The following CAPN3 variants were observed in gnomAD, a reference collection of about 807,000 sequenced individuals.
CAPN3 encodes the protein calpain-3.
In CAPN3, 88 loss-of-function variants were observed where a neutral mutation model predicts 114.0. That is an observed-to-expected ratio of 0.77 (90% confidence interval 0.65 to 0.92). The LOEUF is 0.92. Ranked by LOEUF, CAPN3 falls within the 40% of genes least tolerant of loss-of-function variation. The probability of loss-of-function intolerance (pLI) is 0.00; values close to 1 mark genes in which losing one functional copy is unlikely to be tolerated. For missense variants in CAPN3, 1,028 were observed against 1,069.0 expected (o/e 0.96, Z 0.53); for synonymous variants, 386 against 382.9 (o/e 1.01, Z -0.09).
intron 1 of CAPN3, among the ~76,000 whole-genome samples, chr15:42,361,085 A>T (rs1243637723): frequency 6.6e-6 from 1 of 152,130 alleles, no homozygotes; most frequent in Non-Finnish European, 1.5e-5. Flanking sequence ...TGGCAAGGAG[A>T]GCTAACCTGG....
At chr15:42,390,210 G>A in intron 6 of CAPN3, 114 bp downstream of exon 6, 2 of 1,189,812 alleles carry the variant, frequency 1.7e-6, no homozygotes, top group African/African-American at 1.5e-5. Flanking sequence ...CCCCCACCTG[G>A]CACCTCCCAA....
chr15:42,410,745 G>A, intron 21 of CAPN3, 79 bp downstream of exon 21: 1 of 1,368,088 alleles, frequency 7.3e-7, no homozygotes, highest in Admixed American at 1.7e-5. Flanking sequence ...GGCTACTAGG[G>A]CCCCACTAGA....
rs539315630 is a variant in CAPN3, at chr15:42,387,814, A to G, written c.560A>G (p.Asn187Ser). The change falls in exon 4 of 24, where the codon AAT becomes AGT. Residue 187 changes from asparagine (N) to serine (S), a missense_variant. Transcript: ENST00000397163. Reference protein sequence around the residue: ...VIDDCLPTYNNQLVFTKSNHR... With the variant: ...VIDDCLPTYNSQLVFTKSNHR... ...GATGACTGCCTGCCAACGTACAACA[A>G]TCAACTGGTTTTCACCAAGTCCAAC... 4 of 1,614,188 alleles carry G rather than the reference A, an allele frequency of 2.5e-6. No homozygotes were observed. The highest frequency in any genetic ancestry group is 3.3e-5 in the Admixed American group (2 of 60,020).
chr15:42,411,114 C>T, intron 22 of CAPN3, 114 bp downstream of exon 22: 1 of 1,034,550 alleles, frequency 9.7e-7, no homozygotes, highest in Non-Finnish European at 1.5e-6. Flanking sequence ...GGGCCAATGA[C>T]CTCTTTAGGC....
At chr15:42,391,356 G>T (rs140417293) in intron 6 of CAPN3, among the ~76,000 whole-genome samples, 2 of 152,226 alleles carry the variant, frequency 1.3e-5, no homozygotes, top group Non-Finnish European at 2.9e-5. Context: ...TGGGTTGAAT[G>T]ATATGCTTAG....
intron 1 of CAPN3, among the ~76,000 whole-genome samples, chr15:42,381,527 A>T (rs943696938): frequency 2.6e-5 from 4 of 152,118 alleles, no homozygotes; most frequent in Admixed American, 2.6e-4. Context: ...CCCTTTAATC[A>T]TCAGGTACTT....
chr15:42,384,365 T>C (rs1028621640), intron 1 of CAPN3, 118 bp from the exon 2 acceptor site: 2 of 766,238 alleles, frequency 2.6e-6, no homozygotes, highest in African/African-American at 3.4e-5. Flanking sequence ...TGAGCCAAGA[T>C]TGCACCAGTG....
At chr15:42,375,865 T>C (rs770561578) in intron 1 of CAPN3, among the ~76,000 whole-genome samples, 10 of 152,210 alleles carry the variant, frequency 6.6e-5, no homozygotes, top group African/African-American at 2.4e-4. Flanking sequence ...GATGTCCTTT[T>C]TCTGTTCCAA....
chr15:42,359,650 G>A lies in CAPN3; in HGVS notation c.-156G>A, dbSNP rs1170885818. On this transcript the variant is annotated 5_prime_UTR_variant, in exon 1 of 24. Coordinates refer to ENST00000397163, the MANE Select transcript of CAPN3 (RefSeq NM_000070.3). The stretch of plus-strand genomic sequence containing the variant: ...TTTTTAAGATGGACATAACCTGTAC[G>A]ACCTTCTGATGGGCTTTCAACTTTG... 6.0e-6 allele frequency: 9 copies of A among 1,491,890 alleles called. No homozygotes were observed. In the East Asian group the frequency reaches 9.5e-5, roughly 16 times the overall value. 92.4% of individuals were successfully genotyped at this position (1,491,890 alleles called of 1,614,324 possible).
At chr15:42,385,952 A>G (rs1209874914) in intron 2 of CAPN3, 3 of 723,918 alleles carry the variant, frequency 4.1e-6, no homozygotes, top group African/African-American at 1.7e-5. Flanking sequence ...TCTAGTCACA[A>G]GGGAGTAAGT....
chr15:42,386,206 T>C lies in CAPN3; in HGVS notation c.419T>C (p.Leu140Pro). Reference protein sequence around the residue: ...WFLAAIACLTLNQHLLFRVIP... With the variant: ...WFLAAIACLTPNQHLLFRVIP... ...CTCGCAGCCATTGCCTGCCTGACCCTGAACCAGCACCTTCTTTTCCGAGTC... is the reference window on the plus strand; with the variant it reads ...CTCGCAGCCATTGCCTGCCTGACCCCGAACCAGCACCTTCTTTTCCGAGTC... The change falls in exon 3 of 24, where the codon CTG (leucine) becomes CCG (proline). Residue 140 changes from leucine to proline, a missense_variant. Leu to Pro is a moderately conservative substitution (Grantham distance 98). Transcript: ENST00000397163. 6.2e-7 allele frequency: 1 copy of C among 1,614,124 alleles called. No individual in the cohort carries two copies. The highest frequency in any genetic ancestry group is 1.1e-5 in the South Asian group (1 of 91,080).
At position 42,403,730 on chromosome 15, in the gene CAPN3, A is replaced by G; in HGVS notation, c.1746-11A>G. On this transcript the variant is annotated splice_polypyrimidine_tract_variant and intron_variant, in intron 13 of 23. Transcript: ENST00000397163. ...TGACACTGAGACCCCACATGTCTGT[A>G]TTCCTCACAGGGAAGTTGAAAATAC... is the stretch of plus-strand genomic sequence containing the variant. 1 of 1,613,426 alleles carries G rather than the reference A, an allele frequency of 6.2e-7. No individual in the cohort carries two copies. The highest frequency in any genetic ancestry group is 8.5e-7 in the Non-Finnish European group (1 of 1,179,460).
Position 42,405,872 on chromosome 15 carries a change from C to T in CAPN3, c.1783-54C>T, listed in dbSNP as rs868549486. 61 of 1,489,204 alleles carry T rather than the reference C, an allele frequency of 4.1e-5. No individual in the cohort carries two copies. In the African/African-American group the frequency reaches 7.0e-4, roughly 17 times the overall value. 92.2% of individuals were successfully genotyped at this position (1,489,204 alleles called of 1,614,324 possible). A position where few individuals can be genotyped will look rare whatever the true frequency, so the allele number is the denominator to read the frequency against. On this transcript the variant is annotated intron_variant, in intron 14 of 23. Coordinates refer to ENST00000397163, the MANE Select transcript of CAPN3 (RefSeq NM_000070.3). ...GGGAAGCCAAAAGCCACTGGCGGTT[C>T]TGAGAACTTACTTTTCACTTATTCT...
chr15:42,362,092 C>G (rs2052660166), intron 1 of CAPN3, among the ~76,000 whole-genome samples: 1 of 152,164 alleles, frequency 6.6e-6, no homozygotes, highest in African/African-American at 2.4e-5. Context: ...CAGGATAGGC[C>G]TGCGTTCCCA....
Position 42,402,948 on chromosome 15 carries a change from A to T in CAPN3, c.1691A>T (p.His564Leu). Reference protein sequence around the residue: ...YVIVPSTYEPHQEGEFILRVF... With the variant: ...YVIVPSTYEPLQEGEFILRVF... ...ATCGTGCCCTCCACCTACGAGCCCC[A>T]CCAGGAGGGGGAATTCATCCTCCGG... Residue 564 changes from histidine to leucine, a missense_variant, in exon 13 of 24, where the codon CAC becomes CTC. Transcript: ENST00000397163. 1.2e-6 allele frequency: 2 copies of T among 1,614,122 alleles called. No individual in the cohort carries two copies. The highest frequency in any genetic ancestry group is 1.7e-6 in the Non-Finnish European group (2 of 1,180,006).
At chr15:42,403,151 C>T in intron 13 of CAPN3, 149 bp downstream of exon 13, 1 of 715,428 alleles carries the variant, frequency 1.4e-6, no homozygotes, top group East Asian at 2.7e-5. Context: ...TTCATTCATT[C>T]ATCCATTCTG....
At chr15:42,385,632 G>C (rs367553429) in intron 2 of CAPN3, 56 of 515,142 alleles carry the variant, frequency 1.1e-4, no homozygotes, top group African/African-American at 1.1e-3. Context: ...ATAAGAAAAC[G>C]TCCCGAGCTC....
chr15:42,365,558 G>A (rs936286034), intron 1 of CAPN3, among the ~76,000 whole-genome samples: 5 of 152,080 alleles, frequency 3.3e-5, no homozygotes, highest in Non-Finnish European at 7.3e-5. Flanking sequence ...GGTGGCTGGA[G>A]CTCCAGCTAT....
chr15:42,399,465 G>T (rs769600659), intron 9 of CAPN3, 27 bp from the exon 10 acceptor site: 1 of 1,594,162 alleles, frequency 6.3e-7, no homozygotes, highest in South Asian at 1.1e-5. Flanking sequence ...CTCCCATATG[G>T]CTCTCTCTCT....
Sources: allele counts gnomAD v4.1 joint callset (sites outside exome capture counted in the v4.1 genomes callset), GRCh38; gene constraint gnomAD v4.1.1; transcripts MANE v1.5; gene names NCBI Gene and HGNC (gene_info 2026-07-23, HGNC 2026-07-21).